The following IMPG1 variants were observed in gnomAD, a reference collection of about 807,000 sequenced individuals.
The protein encoded by IMPG1 is interphotoreceptor matrix proteoglycan 1.
A neutral mutation model predicts 92.0 loss-of-function variants in IMPG1; 85 were observed. The ratio of observed to expected loss-of-function variants is 0.92; its 90% confidence interval spans 0.78 to 1.11. The LOEUF is 1.11. Ranked by LOEUF, IMPG1 falls within the 50% of genes least tolerant of loss-of-function variation. The pLI, the probability that IMPG1 is intolerant of heterozygous loss-of-function variation, is 0.00. For synonymous variants in IMPG1, 367 were observed against 334.1 expected (o/e 1.10, Z -1.08); for missense variants, 1,022 against 956.0 (o/e 1.07, Z -0.91).
chr6:76,056,901 T>A (rs911452532), intron 1 of IMPG1, among the ~76,000 whole-genome samples: 13 of 152,122 alleles, frequency 8.5e-5, no homozygotes, highest in African/African-American at 3.1e-4. Flanking sequence ...TGTAAATGCC[T>A]ATCAATGATA....
chr6:75,965,672 G>T (rs551725893), intron 12 of IMPG1, among the ~76,000 whole-genome samples: 1 of 142,696 alleles, frequency 7.0e-6, no homozygotes, highest in South Asian at 2.2e-4. Context: ...CAGTGTGGCC[G>T]GTCTTGGCTT....
chr6:76,017,044 T>A (rs925151030), intron 7 of IMPG1, among the ~76,000 whole-genome samples: 1 of 151,834 alleles, frequency 6.6e-6, no homozygotes, highest in African/African-American at 2.4e-5. Context: ...CATGTTGAAG[T>A]ATGTAAAACA....
chr6:76,056,222 A>G (rs534230652), intron 1 of IMPG1, among the ~76,000 whole-genome samples: 2 of 152,258 alleles, frequency 1.3e-5, no homozygotes, highest in South Asian at 2.1e-4. Context: ...ATCAAAGGAG[A>G]AAAACTATTT....
intron 10 of IMPG1, 109 bp from the exon 11 acceptor site, chr6:76,004,059 G>T: frequency 1.4e-6 from 1 of 722,032 alleles, no homozygotes; most frequent in Non-Finnish European, 2.3e-6. Flanking sequence ...TCCTTAAGGA[G>T]TAGTACAACA....
intron 2 of IMPG1, among the ~76,000 whole-genome samples, chr6:76,039,989 T>C (rs1037620107): frequency 6.6e-6 from 1 of 152,210 alleles, no homozygotes; most frequent in Non-Finnish European, 1.5e-5. Context: ...GATAATTTTG[T>C]AAAAGTAGCA....
chr6:76,014,246 T>G (rs1019439582), intron 7 of IMPG1, among the ~76,000 whole-genome samples: 1 of 152,224 alleles, frequency 6.6e-6, no homozygotes, highest in Non-Finnish European at 1.5e-5. Flanking sequence ...TGCCAGCTCC[T>G]GAGAGCCCAT....
At chr6:75,923,758 T>A in intron 15 of IMPG1, 52 bp from the exon 16 acceptor site, 9 of 966,728 alleles carry the variant, frequency 9.3e-6, no homozygotes, top group Non-Finnish European at 1.5e-5. Context: ...TTATCAACAT[T>A]AATAGTAACT....
intron 12 of IMPG1, among the ~76,000 whole-genome samples, chr6:75,974,392 T>TTTCTTTCTTTCTTTTC (rs1554230326): frequency 3.2e-4 from 19 of 59,532 alleles, no homozygotes; most frequent in East Asian, 1.2e-3. Context: ...TCTTTCTTTC[T>TTTCTTTCTTTCTTTTC]TTTCTTTCTT....
Position 75,965,816 on chromosome 6 carries a change from C to G in IMPG1, c.1292-14722G>C, listed in dbSNP as rs541431872. Among the ~76,000 whole-genome samples the G allele has an allele frequency of 2.0e-5, 3 of 152,122 alleles. No individual in the cohort carries two copies. In the East Asian group the frequency reaches 5.8e-4, roughly 29 times the overall value. On this transcript the variant is annotated intron_variant, in intron 12 of 16. Coordinates refer to ENST00000369950, the MANE Select transcript of IMPG1 (RefSeq NM_001563.4). Reference sequence around the variant, plus strand: ...TAGAGACAGGGTTTCACCGTGTTAGCCAGGATGGTCTCGATCTCCTGACCT... The same window carrying G: ...TAGAGACAGGGTTTCACCGTGTTAGGCAGGATGGTCTCGATCTCCTGACCT...
At chr6:75,974,335 C>CTTTCTT (rs1782475430) in intron 12 of IMPG1, among the ~76,000 whole-genome samples, 1 of 41,026 alleles carries the variant, frequency 2.4e-5, no homozygotes, top group Non-Finnish European at 4.8e-5. Flanking sequence ...CTTTCCCTTT[C>CTTTCTT]TTTCTTTCTT....
intron 12 of IMPG1, among the ~76,000 whole-genome samples, chr6:75,970,604 A>T (rs1458727662): frequency 6.6e-6 from 1 of 152,204 alleles, no homozygotes. Flanking sequence ...ATGCATTTGG[A>T]AAAGAGCCCA....
intron 6 of IMPG1, among the ~76,000 whole-genome samples, chr6:76,021,802 T>TATATATATATATATATATAG: frequency 1.2e-5 from 1 of 84,806 alleles, no homozygotes; most frequent in Non-Finnish European, 2.5e-5. Context: ...TATATATATA[T>TATATATATATATATATATAG]GGTTTTGTTA....
At chr6:76,014,579 T>C (rs997088958) in intron 7 of IMPG1, among the ~76,000 whole-genome samples, 3 of 152,202 alleles carry the variant, frequency 2.0e-5, no homozygotes, top group Non-Finnish European at 4.4e-5. Context: ...TGCCATGCTA[T>C]TTCAGTAACA....
At chr6:76,026,126 TCTAGCAGGGACTCTGCGCTAGCAA>T (rs1458157250) in intron 4 of IMPG1, among the ~76,000 whole-genome samples, 1 of 152,148 alleles carries the variant, frequency 6.6e-6, no homozygotes, top group East Asian at 1.9e-4. Context: ...CGGGAAGCAC[TCTAGCAGGGACTCTGCGCTAGCAA>T]GAGTCCCTAT....
intron 12 of IMPG1, among the ~76,000 whole-genome samples, chr6:75,962,408 C>G (rs538715433): frequency 1.3e-5 from 2 of 152,034 alleles, no homozygotes; most frequent in African/African-American, 4.8e-5. Context: ...AGACATGACC[C>G]ATCATGTCCA....
rs542165596 is a variant in IMPG1 at position 76,065,521 on chromosome 6, C to T, written c.67+6901G>A. On this transcript the variant is annotated intron_variant, in intron 1 of 16. Transcript: ENST00000369950. ...GCTTGAAGGCAGATTTTTGAATTAA[C>T]CCAGTCAGACAAGAATAAAAAAATT... 2.0e-5 allele frequency among the ~76,000 whole-genome samples: 3 copies of T among 152,092 alleles called. No homozygotes were observed. The East Asian group carries it at 5.8e-4, about 29-fold the overall frequency.
intron 14 of IMPG1, among the ~76,000 whole-genome samples, chr6:75,937,264 C>G (rs1279736927): frequency 1.4e-5 from 2 of 143,702 alleles, no homozygotes; most frequent in South Asian, 2.2e-4. Flanking sequence ...AGAGTAAACA[C>G]TTTTTTTTTT....
At chr6:76,068,988 T>C (rs1208376708) in intron 1 of IMPG1, among the ~76,000 whole-genome samples, 2 of 152,098 alleles carry the variant, frequency 1.3e-5, no homozygotes, top group Non-Finnish European at 1.5e-5. Context: ...ATTTATATTA[T>C]ACTACAAGGC....
In IMPG1 at chr6:76,005,322, T is replaced by C. The variant is rs148845802; in HGVS notation, c.1100A>G (p.Gln367Arg). Residue 367 changes from glutamine to arginine, a missense_variant, in exon 10 of 17, where the codon CAA becomes CGA. By Grantham distance (43) the Gln-to-Arg change is conservative. Coordinates refer to ENST00000369950, the MANE Select transcript of IMPG1 (RefSeq NM_001563.4). ...RLISKALEEE[Q>R]SLDVGTIQFT... ...CTGAATTGTCCCCACATCCAAAGAT[T>C]GTTCTTCCTCTAGTGCTTTGCTGAT... 362 of 1,614,050 alleles carry C rather than the reference T, an allele frequency of 2.2e-4. 4 individuals carry two copies. The East Asian group carries it at 7.8e-3, about 35-fold the overall frequency.
Sources: allele counts gnomAD v4.1 joint callset (sites outside exome capture counted in the v4.1 genomes callset), GRCh38; gene constraint gnomAD v4.1.1; transcripts MANE v1.5; gene names NCBI Gene and HGNC (gene_info 2026-07-23, HGNC 2026-07-21).